WNK1: variants seen among roughly 807,000 people sequenced by gnomAD.
WNK1 encodes the protein serine/threonine-protein kinase WNK1.
Under a neutral mutation model 222.8 loss-of-function variants are expected in WNK1, and 38 were observed. The ratio of observed to expected loss-of-function variants is 0.17; its 90% CI spans 0.13 to 0.22. WNK1 has a LOEUF of 0.22. Among genes scored for constraint, WNK1 ranks in the 10% least tolerant of loss-of-function variants. The pLI is 1.00. For synonymous variants in WNK1, 1,090 were observed against 1,092.9 expected, an observed-to-expected ratio of 1.00 and a Z score of 0.05; for missense variants, 2,348 against 2,918.4, an observed-to-expected ratio of 0.80 and a Z score of 4.50.
chr12:768,308 A>G (rs1408810060), intron 1 of WNK1, among the ~76,000 whole-genome samples: 3 of 152,038 alleles, frequency 2.0e-5, no homozygotes, highest in Admixed American at 6.6e-5. Context: ...GCTAATTTTT[A>G]TATTTTTAGT....
chr12:799,396 G>A (rs919313731), intron 1 of WNK1, among the ~76,000 whole-genome samples: 4 of 151,750 alleles, frequency 2.6e-5, no homozygotes, highest in African/African-American at 7.3e-5. Context: ...CTCCCAAAGT[G>A]CTGGGATTAC....
intron 1 of WNK1, among the ~76,000 whole-genome samples, chr12:775,923 A>T (rs1009310705): frequency 6.6e-6 from 1 of 152,168 alleles, no homozygotes; most frequent in African/African-American, 2.4e-5. Flanking sequence ...TGGAGCCTAG[A>T]TCATTCTTGT....
chr12:883,571 A>G lies in WNK1; in HGVS notation c.3663+3A>G, dbSNP rs1400756751. ...ACTATGGCTTTTCAGGTTCTCAGGTAGGTTCACCACTCCCATAGTGAAACT... is the reference window on the plus strand; with the variant it reads ...ACTATGGCTTTTCAGGTTCTCAGGTGGGTTCACCACTCCCATAGTGAAACT... On this transcript the variant is annotated splice_donor_region_variant and intron_variant, in intron 16 of 27. Transcript: ENST00000315939. 4 of 1,614,090 alleles carry G rather than the reference A, an allele frequency of 2.5e-6. No individual in the cohort carries two copies. In the African/African-American group the frequency reaches 5.3e-5, roughly 22 times the overall value.
At chr12:845,052 C>T (rs543451003) in intron 4 of WNK1, among the ~76,000 whole-genome samples, 7 of 150,926 alleles carry the variant, frequency 4.6e-5, no homozygotes, top group Non-Finnish European at 7.4e-5. Context: ...CCCGCCACTA[C>T]GCCCGGCTAA....
At chr12:782,730 C>T (rs900916347) in intron 1 of WNK1, among the ~76,000 whole-genome samples, 1 of 151,958 alleles carries the variant, frequency 6.6e-6, no homozygotes, top group African/African-American at 2.4e-5. Flanking sequence ...TCTCGAACTC[C>T]TGACCTGAAG....
At chr12:784,782 G>A (rs1265439082) in intron 1 of WNK1, among the ~76,000 whole-genome samples, 1 of 152,134 alleles carries the variant, frequency 6.6e-6, no homozygotes, top group African/African-American at 2.4e-5. Context: ...TGCTTAGGTT[G>A]GGGATCTTCA....
At chr12:812,630 AGAG>A (rs1431766831) in intron 1 of WNK1, among the ~76,000 whole-genome samples, 2 of 152,214 alleles carry the variant, frequency 1.3e-5, no homozygotes, top group African/African-American at 4.8e-5. Flanking sequence ...TTTTGGCGAC[AGAG>A]TGAGAACCTT....
chr12:767,778 G>T (rs1429511909), intron 1 of WNK1, among the ~76,000 whole-genome samples: 1 of 152,148 alleles, frequency 6.6e-6, no homozygotes, highest in Non-Finnish European at 1.5e-5. Flanking sequence ...TGGAGTTGTA[G>T]TTGTTTACCA....
At position 900,630 on chromosome 12, in the gene WNK1, T is replaced by C. The variant is rs770912702; in HGVS notation, c.6603T>C (p.Asp2201=). 4.8e-5 allele frequency: 77 copies of C among 1,614,208 alleles called. 1 individual carries two copies. In the Admixed American group the frequency reaches 1.2e-3, roughly 25 times the overall value. ...SDNLYSAFTS[D]GAISVPSLSA... Reference sequence around the variant, plus strand: ...ACCTCTATTCAGCCTTCACCAGTGATGGTGCCATTTCAGTACCAAGCCTTT... The same window carrying C: ...ACCTCTATTCAGCCTTCACCAGTGACGGTGCCATTTCAGTACCAAGCCTTT... Residue 2201 remains aspartate (D), a synonymous_variant, in exon 26 of 28, where the codon GAT becomes GAC. Transcript: ENST00000315939.
intron 22 of WNK1, among the ~76,000 whole-genome samples, chr12:892,467 G>A (rs1004256254): frequency 2.6e-5 from 4 of 152,144 alleles, no homozygotes; most frequent in Non-Finnish European, 5.9e-5. Flanking sequence ...TCTCAGATAA[G>A]TTTAATAGAG....
chr12:905,529 T>C (rs1955621215), intron 26 of WNK1, among the ~76,000 whole-genome samples: 1 of 152,196 alleles, frequency 6.6e-6, no homozygotes, highest in Non-Finnish European at 1.5e-5. Flanking sequence ...GCTTCTTGTA[T>C]TTAGCTTTTG....
intron 1 of WNK1, among the ~76,000 whole-genome samples, chr12:769,338 A>G (rs1942180402): frequency 1.3e-5 from 2 of 152,038 alleles, no homozygotes. Flanking sequence ...TGCTGGGATT[A>G]CAGGCGCATG....
At chr12:842,691 C>G (rs1485339824) in intron 4 of WNK1, among the ~76,000 whole-genome samples, 3 of 151,878 alleles carry the variant, frequency 2.0e-5, no homozygotes, top group African/African-American at 7.3e-5. Flanking sequence ...AAAACTTGTT[C>G]CTTTGAATTT....
At chr12:821,042 GTTTTTTTTTTT>G (rs60880879) in intron 2 of WNK1, among the ~76,000 whole-genome samples, 233 of 79,130 alleles carry the variant, frequency 2.9e-3, no homozygotes, top group South Asian at 0.012. Flanking sequence ...AGTTTCTTGA[GTTTTTTTTTTT>G]TTTTTTTTTT....
chr12:891,430 G>A (rs761863445), intron 22 of WNK1, among the ~76,000 whole-genome samples: 3 of 152,142 alleles, frequency 2.0e-5, no homozygotes, highest in Non-Finnish European at 4.4e-5. Flanking sequence ...GAGCCACCGC[G>A]CCTGGCTGAA....
At chr12:788,764 G>A (rs982899679) in intron 1 of WNK1, among the ~76,000 whole-genome samples, 2 of 151,922 alleles carry the variant, frequency 1.3e-5, no homozygotes, top group Non-Finnish European at 2.9e-5. Flanking sequence ...GCAGTTGCCT[G>A]TAATCCCAGC....
intron 14 of WNK1, among the ~76,000 whole-genome samples, chr12:882,666 C>T (rs1342999184): frequency 6.6e-6 from 1 of 152,054 alleles, no homozygotes; most frequent in African/African-American, 2.4e-5. Flanking sequence ...TATAATTAGC[C>T]AAATGATATT....
intron 2 of WNK1, among the ~76,000 whole-genome samples, chr12:814,428 C>T (rs1281258825): frequency 2.6e-5 from 4 of 151,374 alleles, no homozygotes; most frequent in African/African-American, 4.9e-5. Context: ...CTATTTTTTT[C>T]ATTTGTATTG....
At position 754,264 on chromosome 12, in the gene WNK1, G is replaced by A. The variant is rs1489967058; in HGVS notation, c.699G>A (p.Lys233=). 2 of 1,613,506 alleles carry A rather than the reference G, an allele frequency of 1.2e-6. No homozygotes were observed. Among genetic ancestry groups the A allele is most frequent in the Admixed American group, 3.3e-5 (2 of 60,014 alleles). ...FDIEIGRGSF[K]TVYKGLDTET... is the part of the protein sequence containing the mutation. ...TCGAAATCGGCAGAGGCTCCTTTAA[G>A]ACGGTCTACAAAGGTCTGGACACTG... is the stretch of plus-strand genomic sequence containing the variant. Residue 233 remains lysine, a synonymous_variant, in exon 1 of 28, where the codon AAG becomes AAA. Transcript: ENST00000315939.
Sources: gnomAD v4.1 joint callset for allele counts (sites outside exome capture counted in the v4.1 genomes callset) on GRCh38, gnomAD v4.1.1 for gene constraint, MANE v1.5 for transcripts, NCBI Gene and HGNC (gene_info 2026-07-23, HGNC 2026-07-21) for gene names.